LRRTM4: variants seen among roughly 807,000 people sequenced by gnomAD.
LRRTM4 encodes the protein leucine rich repeat transmembrane neuronal 4, also known as leucine-rich repeat transmembrane neuronal protein 4.
In LRRTM4, 25 loss-of-function variants were observed where a neutral mutation model predicts 47.6. The observed-to-expected ratio is 0.53, with a 90% CI of 0.38 to 0.73. The LOEUF (loss-of-function observed/expected upper bound fraction) is 0.73, where lower values mean the gene tolerates loss of function less well. Ranked by LOEUF, LRRTM4 falls within the 30% of genes least tolerant of loss-of-function variation. The pLI is 0.00. For missense variants in LRRTM4, 638 were observed against 713.4 expected, an observed-to-expected ratio of 0.89 and a Z score of 1.20; for synonymous variants, 311 against 269.5, an observed-to-expected ratio of 1.15 and a Z score of -1.51.
chr2:76,965,637 G>C (rs1676000236), intron 3 of LRRTM4, among the ~76,000 whole-genome samples: 1 of 151,110 alleles, frequency 6.6e-6, no homozygotes, highest in Non-Finnish European at 1.5e-5. Flanking sequence ...AACTGACTTA[G>C]CCTGATTTTA....
chr2:77,315,916 G>A (rs1677605122), intron 3 of LRRTM4, among the ~76,000 whole-genome samples: 1 of 152,168 alleles, frequency 6.6e-6, no homozygotes. Context: ...GAAGATATAA[G>A]AGCATTTACT....
At chr2:77,217,749 C>A (rs538120232) in intron 3 of LRRTM4, among the ~76,000 whole-genome samples, 61 of 151,722 alleles carry the variant, frequency 4.0e-4, no homozygotes, top group Non-Finnish European at 7.7e-4. Flanking sequence ...AAAATTAATT[C>A]TTTTAGCATA....
chr2:77,386,942 T>TA (rs913335522), intron 3 of LRRTM4, among the ~76,000 whole-genome samples: 6 of 151,966 alleles, frequency 3.9e-5, no homozygotes, highest in Admixed American at 2.6e-4. Flanking sequence ...TCCCAGAACT[T>TA]AAAAAAAATA....
intron 3 of LRRTM4, among the ~76,000 whole-genome samples, chr2:76,989,192 C>CT (rs1486778563): frequency 5.9e-5 from 9 of 151,786 alleles, no homozygotes; most frequent in African/African-American, 2.2e-4. Flanking sequence ...ATAGATACCC[C>CT]TGTCCCTGAA....
intron 3 of LRRTM4, among the ~76,000 whole-genome samples, chr2:76,877,969 T>A (rs972336805): frequency 4.6e-5 from 7 of 152,302 alleles, no homozygotes; most frequent in Non-Finnish European, 1.0e-4. Context: ...TTTATTGTGG[T>A]TCCCAGATAT....
At chr2:77,161,312 C>T (rs1295037815) in intron 3 of LRRTM4, among the ~76,000 whole-genome samples, 1 of 152,144 alleles carries the variant, frequency 6.6e-6, no homozygotes, top group African/African-American at 2.4e-5. Flanking sequence ...TTGTGACTCA[C>T]CTCCTTTCTC....
At chr2:77,362,158 A>AAAGAAAGAAAG (rs1558707401) in intron 3 of LRRTM4, among the ~76,000 whole-genome samples, 1 of 136,466 alleles carries the variant, frequency 7.3e-6, no homozygotes, top group Non-Finnish European at 1.5e-5. Context: ...AGAAAGAAAG[A>AAAGAAAGAAAG]AAGAAAGAAA....
At chr2:77,070,244 T>C (rs1486247618) in intron 3 of LRRTM4, among the ~76,000 whole-genome samples, 1 of 151,824 alleles carries the variant, frequency 6.6e-6, no homozygotes, top group Non-Finnish European at 1.5e-5. Context: ...TTTTAAAAAA[T>C]AAAATACAAT....
At chr2:76,946,700 T>C (rs754546545) in intron 3 of LRRTM4, among the ~76,000 whole-genome samples, 4 of 151,888 alleles carry the variant, frequency 2.6e-5, no homozygotes, top group Non-Finnish European at 4.4e-5. Context: ...CACAACATTG[T>C]AGACATGTAA....
At chr2:77,222,017 C>A (rs909468294) in intron 3 of LRRTM4, among the ~76,000 whole-genome samples, 29 of 152,284 alleles carry the variant, frequency 1.9e-4, no homozygotes, top group Admixed American at 9.2e-4. Context: ...TCTCAGACCA[C>A]AGTGCAATCA....
chr2:76,982,852 G>A (rs1311406209), intron 3 of LRRTM4, among the ~76,000 whole-genome samples: 1 of 152,082 alleles, frequency 6.6e-6, no homozygotes, highest in Non-Finnish European at 1.5e-5. Context: ...GCAAATAAGT[G>A]AAGTGAGGGG....
intron 3 of LRRTM4, among the ~76,000 whole-genome samples, chr2:76,885,038 A>C (rs1301418412): frequency 2.6e-5 from 4 of 152,110 alleles, no homozygotes; most frequent in Admixed American, 2.0e-4. Flanking sequence ...AAGCCTAGAT[A>C]AAAATACTTA....
At chr2:76,834,627 A>T (rs1050902883) in intron 3 of LRRTM4, among the ~76,000 whole-genome samples, 2 of 151,956 alleles carry the variant, frequency 1.3e-5, no homozygotes, top group Non-Finnish European at 2.9e-5. Context: ...GCTTTCTCTA[A>T]TCCTTGGCTC....
intron 3 of LRRTM4, among the ~76,000 whole-genome samples, chr2:76,799,825 CA>C (rs1386330336): frequency 1.4e-5 from 2 of 141,926 alleles, no homozygotes; most frequent in African/African-American, 5.3e-5. Flanking sequence ...AACAGAGAGC[CA>C]AATCATGAGT....
chr2:77,481,868 GTTTTTTTTTTTC>G (rs1677716088), intron 3 of LRRTM4, among the ~76,000 whole-genome samples: 1 of 125,840 alleles, frequency 7.9e-6, no homozygotes, highest in African/African-American at 3.0e-5. Flanking sequence ...AGAGTGAAGG[GTTTTTTTTTTTC>G]TTTTTTTTTT....
At chr2:76,750,515 T>C (rs1184507356) in intron 3 of LRRTM4, among the ~76,000 whole-genome samples, 1 of 152,198 alleles carries the variant, frequency 6.6e-6, no homozygotes, top group Non-Finnish European at 1.5e-5. Context: ...ATAACTGATA[T>C]TTTGTCAGTC....
In LRRTM4 at chr2:77,223,852, A is replaced by G. The variant is rs187400985; in HGVS notation, c.1551+294466T>C. Among the ~76,000 whole-genome samples, 383 of 152,312 alleles carry G rather than the reference A, an allele frequency of 2.5e-3. 2 individuals are homozygous for G. The highest frequency in any genetic ancestry group is 8.1e-3 in the African/African-American group (338 of 41,572). On this transcript the variant is annotated intron_variant, in intron 3 of 3. Transcript: ENST00000409884. ...AATGACTTTCTTTACAGAATTGGAA[A>G]AAACTACTTCAAAGTTCATATGGAA...
At chr2:77,265,318 T>A (rs1401930625) in intron 3 of LRRTM4, among the ~76,000 whole-genome samples, 1 of 152,116 alleles carries the variant, frequency 6.6e-6, no homozygotes, top group Non-Finnish European at 1.5e-5. Flanking sequence ...ACAGTGTTGA[T>A]AGGTGGAAAC....
chr2:76,779,689 C>T (rs1228762714), intron 3 of LRRTM4, among the ~76,000 whole-genome samples: 1 of 151,816 alleles, frequency 6.6e-6, no homozygotes, highest in Admixed American at 6.6e-5. Flanking sequence ...GAATACAGCA[C>T]ACTGATGGGT....
Sources: allele counts gnomAD v4.1 joint callset (sites outside exome capture counted in the v4.1 genomes callset), GRCh38; gene constraint gnomAD v4.1.1; transcripts MANE v1.5; gene names NCBI Gene and HGNC (gene_info 2026-07-23, HGNC 2026-07-21).